Variants in CLEC16A observed in about 807,000 individuals in gnomAD.
CLEC16A encodes protein CLEC16A.
Under a neutral mutation model 109.5 loss-of-function variants are expected in CLEC16A, and 51 were observed. That is an observed-to-expected ratio of 0.47 (90% CI 0.37 to 0.59). The LOEUF (loss-of-function observed/expected upper bound fraction) is 0.59, where lower values mean the gene tolerates loss of function less well. Among genes scored for constraint, CLEC16A ranks in the 20% least tolerant of loss-of-function variants. CLEC16A has a pLI of 0.00. For synonymous variants in CLEC16A, 673 were observed against 564.2 expected, an observed-to-expected ratio of 1.19 and a Z score of -2.73; for missense variants, 1,339 against 1,394.0, an observed-to-expected ratio of 0.96 and a Z score of 0.63.
intron 22 of CLEC16A, among the ~76,000 whole-genome samples, chr16:11,152,755 A>G (rs772682859): frequency 6.6e-6 from 1 of 152,236 alleles, no homozygotes; most frequent in East Asian, 1.9e-4. Flanking sequence ...CGTTCCCACA[A>G]TCTCGCCAGT....
chr16:10,986,119 C>T (rs1479285978), intron 10 of CLEC16A, among the ~76,000 whole-genome samples: 4 of 141,420 alleles, frequency 2.8e-5, no homozygotes, highest in East Asian at 2.2e-4. Flanking sequence ...CAAGCTCTGC[C>T]TCCCGGGTTC....
chr16:10,980,338 C>T (rs954743974), intron 9 of CLEC16A, among the ~76,000 whole-genome samples: 1 of 152,126 alleles, frequency 6.6e-6, no homozygotes, highest in African/African-American at 2.4e-5. Context: ...TGTCTGAATG[C>T]CGCTCTGTAC....
At position 11,131,108 on chromosome 16, in the gene CLEC16A, G is replaced by A. The variant is rs1270281462; in HGVS notation, c.2641+4962G>A. On this transcript the variant is annotated intron_variant, in intron 22 of 23. Transcript: ENST00000409790. ...ACCCTCACAGAATGTTCAGCTTCAC[G>A]AGGGATTGTGCGTGCGCCTGGCCAA... Among the ~76,000 whole-genome samples, 5 of 152,134 alleles carry A rather than the reference G, an allele frequency of 3.3e-5. No individual in the cohort carries two copies. In the East Asian group the frequency reaches 5.8e-4, roughly 18 times the overall value.
At chr16:11,020,395 G>C in intron 12 of CLEC16A, 70 bp downstream of exon 12, 1 of 1,484,604 alleles carries the variant, frequency 6.7e-7, no homozygotes. Flanking sequence ...GGGAGGTTGA[G>C]CCCTAGGGCC....
chr16:10,996,319 G>C (rs751789585), intron 10 of CLEC16A, among the ~76,000 whole-genome samples: 12 of 152,190 alleles, frequency 7.9e-5, no homozygotes, highest in Non-Finnish European at 1.8e-4. Flanking sequence ...TTCCTGCAAA[G>C]TCCAGCGGCT....
At chr16:10,981,480 A>C (rs1205845750) in intron 9 of CLEC16A, among the ~76,000 whole-genome samples, 1 of 152,206 alleles carries the variant, frequency 6.6e-6, no homozygotes, top group Non-Finnish European at 1.5e-5. Context: ...CCACATGGCC[A>C]TTCTGCCTGT....
At position 11,045,587 on chromosome 16, in the gene CLEC16A, G is replaced by T. The variant is rs190653575; in HGVS notation, c.1815+1515G>T. Among the ~76,000 whole-genome samples, 337 of 152,276 alleles carry T rather than the reference G, an allele frequency of 2.2e-3. 1 individual carries two copies. Among genetic ancestry groups the T allele is most frequent in the African/African-American group, 7.7e-3 (319 of 41,564 alleles). ...GAGCAGAAACACTCAGGCCTTGCCA[G>T]CCTCATGTGTCTTTCAGGGAAGGCT... On this transcript the variant is annotated intron_variant, in intron 16 of 23. Coordinates refer to ENST00000409790, the MANE Select transcript of CLEC16A (RefSeq NM_015226.3).
At chr16:11,172,444 T>G (rs893130601) in intron 23 of CLEC16A, among the ~76,000 whole-genome samples, 1 of 152,234 alleles carries the variant, frequency 6.6e-6, no homozygotes, top group Non-Finnish European at 1.5e-5. Context: ...TCCAGATTAG[T>G]TGGAGTTCAC....
chr16:11,107,339 A>G (rs746567060), intron 19 of CLEC16A, among the ~76,000 whole-genome samples: 1 of 151,976 alleles, frequency 6.6e-6, no homozygotes, highest in Non-Finnish European at 1.5e-5. Context: ...GAAATATCAC[A>G]CTTCACAACT....
Position 10,944,672 on chromosome 16 carries a change from G to A in CLEC16A, c.-46G>A, listed in dbSNP as rs757543836. 5.1e-6 allele frequency: 8 copies of A among 1,558,352 alleles called. 1 individual carries two copies. The highest frequency in any genetic ancestry group is 7.0e-6 in the Non-Finnish European group (8 of 1,144,892). ...CCGCGGGCGCTGGGCCGCTCTGCTG[G>A]TCCGGCATGAGACCGTGAGACGAGA... On this transcript the variant is annotated 5_prime_UTR_variant, in exon 1 of 24. Transcript: ENST00000409790.
intron 19 of CLEC16A, among the ~76,000 whole-genome samples, chr16:11,067,192 T>TG (rs1240129996): frequency 2.9e-5 from 1 of 34,092 alleles, no homozygotes; most frequent in African/African-American, 6.0e-5. Context: ...TGTTTTTGTT[T>TG]TTTTTTTTTT....
chr16:11,007,626 G>A (rs533465483), intron 11 of CLEC16A, among the ~76,000 whole-genome samples: 4 of 152,312 alleles, frequency 2.6e-5, no homozygotes, highest in South Asian at 2.1e-4. Context: ...AGCTTTCTAC[G>A]AACCCTGGCC....
intron 1 of CLEC16A, among the ~76,000 whole-genome samples, chr16:10,945,504 T>G (rs2145556693): frequency 6.6e-6 from 1 of 152,254 alleles, no homozygotes; most frequent in East Asian, 1.9e-4. Flanking sequence ...GATAGGGTCT[T>G]GGGACCAGGA....
intron 22 of CLEC16A, among the ~76,000 whole-genome samples, chr16:11,152,271 C>T (rs773400039): frequency 4.6e-5 from 7 of 152,244 alleles, no homozygotes; most frequent in Non-Finnish European, 8.8e-5. Flanking sequence ...CCAGGAAAAA[C>T]GAGTGCTCAT....
intron 7 of CLEC16A, among the ~76,000 whole-genome samples, chr16:10,976,265 A>T (rs2043026874): frequency 6.6e-6 from 1 of 152,120 alleles, no homozygotes. Context: ...ACAAGACCCT[A>T]TCTCAAAAAA....
chr16:11,080,710 CT>C (rs1228400411), intron 19 of CLEC16A, among the ~76,000 whole-genome samples: 1 of 152,190 alleles, frequency 6.6e-6, no homozygotes, highest in Non-Finnish European at 1.5e-5. Context: ...GTCGCCTGTG[CT>C]TTGGCTTATG....
chr16:11,128,937 G>A lies in CLEC16A; in HGVS notation c.2641+2791G>A, dbSNP rs569626049. ...CATTCTAGTACTTAAATCAGATTAC[G>A]TCATACCCCTGCCTCCAGCTTTTTG... On this transcript the variant is annotated intron_variant, in intron 22 of 23. Transcript: ENST00000409790. 1.4e-4 allele frequency among the ~76,000 whole-genome samples: 22 copies of A among 152,232 alleles called. No individual in the cohort carries two copies. In the South Asian group the frequency reaches 1.9e-3, roughly 13 times the overall value.
At position 11,178,250 on chromosome 16, in the gene CLEC16A, G is replaced by C. The variant is rs148576177; in HGVS notation, c.2807-85G>C. On this transcript the variant is annotated intron_variant, in intron 23 of 23. Coordinates refer to ENST00000409790, the MANE Select transcript of CLEC16A (RefSeq NM_015226.3). The surrounding 1 kb of genome is among the most constrained non-coding windows in gnomAD (Gnocchi z 6.5). ...ACCTCCCACCTAGCTCACCAGGGCC[G>C]CGGTTCAGGATGGGAGCACAGGGCG... is the stretch of plus-strand genomic sequence containing the variant. The C allele has an allele frequency of 4.0e-6, 5 of 1,250,714 alleles. No homozygotes were observed. The highest frequency in any genetic ancestry group is 5.7e-6 in the Non-Finnish European group (5 of 883,130). The allele number at this position is 1,250,714 out of a possible 1,614,324, so 77.5% of individuals were successfully genotyped here.
chr16:11,054,948 T>TC (rs1555471250), intron 18 of CLEC16A, among the ~76,000 whole-genome samples: 54 of 150,536 alleles, frequency 3.6e-4, no homozygotes, highest in South Asian at 8.4e-4. Context: ...TTTTTTTTTT[T>TC]TCCACCAAGT....
Sources: allele counts gnomAD v4.1 joint callset (sites outside exome capture counted in the v4.1 genomes callset), GRCh38; gene constraint gnomAD v4.1.1; non-coding constraint Gnocchi (gnomAD v3.1); transcripts MANE v1.5; gene names NCBI Gene and HGNC (gene_info 2026-07-23, HGNC 2026-07-21).